ZBTB49: variants seen among roughly 807,000 people sequenced by gnomAD.
ZBTB49 encodes the protein zinc finger and BTB domain containing 49.
In ZBTB49, 43 loss-of-function variants were observed where a neutral mutation model predicts 57.5. The ratio of observed to expected loss-of-function variants is 0.75; its 90% CI spans 0.59 to 0.97. The LOEUF (loss-of-function observed/expected upper bound fraction) is 0.97, where lower values mean the gene tolerates loss of function less well. Among genes scored for constraint, ZBTB49 ranks in the 50% least tolerant of loss-of-function variants. ZBTB49 has a pLI of 0.00. For missense variants in ZBTB49, 938 were observed against 947.7 expected (o/e 0.99, Z 0.13); for synonymous variants, 369 against 362.1 (o/e 1.02, Z -0.22).
Position 4,302,027 on chromosome 4 carries a change from T to A in ZBTB49, c.191T>A (p.Val64Asp). The A allele has an allele frequency of 6.3e-7, 1 of 1,586,602 alleles. No individual in the cohort carries two copies. Among genetic ancestry groups the A allele is most frequent in the Non-Finnish European group, 8.6e-7 (1 of 1,164,084 alleles). The change falls in exon 3 of 8, where the codon GTT becomes GAT. Residue 64 changes from valine to aspartate, a missense_variant. Physicochemically the swap from Val to Asp is radical, Grantham distance 152. This residue lies in a region of ZBTB49 where 100 missense variants were observed against 112.5 expected (regional missense o/e 0.89). Coordinates refer to ENST00000337872, the MANE Select transcript of ZBTB49 (RefSeq NM_145291.4). ...FQNSSSQKND[V>D]FHLDVKNVSG... ...AATTCTTCAAGCCAGAAGAATGATG[T>A]TTTTCACTTGGATGTTAAAAATGTC...
intron 7 of ZBTB49, among the ~76,000 whole-genome samples, chr4:4,320,246 T>G (rs1223029290): frequency 6.6e-6 from 1 of 152,168 alleles, no homozygotes; most frequent in Admixed American, 6.5e-5. Flanking sequence ...GGACTGACAC[T>G]GAGATACTCA....
intron 4 of ZBTB49, 146 bp downstream of exon 4, chr4:4,306,330 C>A: frequency 1.4e-6 from 1 of 695,338 alleles, no homozygotes; most frequent in Admixed American, 3.1e-5. Context: ...TAGGATAAAT[C>A]GTTTTCAAGA....
intron 4 of ZBTB49, among the ~76,000 whole-genome samples, chr4:4,307,663 G>A (rs549479918): frequency 2.0e-4 from 30 of 152,168 alleles, no homozygotes; most frequent in Admixed American, 1.8e-3. Flanking sequence ...CCCAGATGCC[G>A]GTCTTTCTGA....
rs1720608674 is a variant in ZBTB49 at position 4,303,735 on chromosome 4, T to TCA, written c.1255+645_1255+646insAC. Among the ~76,000 whole-genome samples, 3 of 45,790 alleles carry TCA rather than the reference T, an allele frequency of 6.6e-5. No individual in the cohort carries two copies. In the Admixed American group the frequency reaches 7.5e-4, roughly 11 times the overall value. The allele number at this position is 45,790 out of a possible 152,430, so 30.0% of individuals were successfully genotyped here. On this transcript the variant is annotated intron_variant, in intron 3 of 7. Transcript: ENST00000337872. The stretch of plus-strand genomic sequence containing the variant: ...AGATTTTTTTAAGGTATTCTCTCTC[T>TCA]CTCTCTCTCTCTCTCTCTCTCTCTC...
chr4:4,318,445 G>A (rs977586744), intron 7 of ZBTB49, among the ~76,000 whole-genome samples: 7 of 152,020 alleles, frequency 4.6e-5, no homozygotes, highest in South Asian at 2.1e-4. Context: ...GCGAAACCCC[G>A]TCTCTACTAA....
chr4:4,307,948 A>G (rs1237584630), intron 4 of ZBTB49, among the ~76,000 whole-genome samples: 1 of 152,116 alleles, frequency 6.6e-6, no homozygotes, highest in Non-Finnish European at 1.5e-5. Flanking sequence ...CTGACCATAT[A>G]AGTTAAAACC....
At chr4:4,304,239 T>G (rs990351180) in intron 3 of ZBTB49, among the ~76,000 whole-genome samples, 12 of 151,958 alleles carry the variant, frequency 7.9e-5, no homozygotes, top group African/African-American at 2.9e-4. Context: ...TTTTTTTTTT[T>G]TTTTGAGACA....
chr4:4,294,871 T>TCG (rs1255519997), intron 1 of ZBTB49, among the ~76,000 whole-genome samples: 1 of 83,884 alleles, frequency 1.2e-5, no homozygotes. Flanking sequence ...GAGGAGGGTT[T>TCG]CGTGTGTGTG....
intron 1 of ZBTB49, among the ~76,000 whole-genome samples, chr4:4,294,079 T>C (rs1340635494): frequency 6.6e-6 from 1 of 152,232 alleles, no homozygotes. Context: ...TTAATAAGTG[T>C]AAAGGGCTTA....
intron 4 of ZBTB49, among the ~76,000 whole-genome samples, chr4:4,308,777 G>A (rs1345537309): frequency 6.6e-6 from 1 of 152,174 alleles, no homozygotes; most frequent in African/African-American, 2.4e-5. Context: ...AAATGATCGA[G>A]TACAGTGAAA....
At position 4,315,855 on chromosome 4, in the gene ZBTB49, G is replaced by T. The variant is rs768661503; in HGVS notation, c.1506G>T (p.Thr502=). The change falls in exon 7 of 8, where the codon ACG becomes ACT. Residue 502 remains threonine (T), a synonymous_variant. Transcript: ENST00000337872. ...SNLKEHKKTH[T]ADKVFTCDEC... ...TGAAGGAGCACAAAAAGACACACAC[G>T]GCTGATAAAGTCTTCACCTGTGATG... 2 of 1,614,204 alleles carry T rather than the reference G, an allele frequency of 1.2e-6. No homozygotes were observed. The highest frequency in any genetic ancestry group is 3.3e-5 in the Admixed American group (2 of 60,024).
intron 4 of ZBTB49, among the ~76,000 whole-genome samples, chr4:4,310,696 T>G (rs567740159): frequency 1.3e-5 from 2 of 151,000 alleles, no homozygotes; most frequent in African/African-American, 4.9e-5. Flanking sequence ...TTTTTTTGTA[T>G]TTTTAGTAGA....
intron 4 of ZBTB49, among the ~76,000 whole-genome samples, chr4:4,311,503 A>G (rs1720978803): frequency 6.6e-6 from 1 of 152,230 alleles, no homozygotes; most frequent in African/African-American, 2.4e-5. Context: ...ATTCATAGAA[A>G]CTTGTGTTTC....
intron 7 of ZBTB49, among the ~76,000 whole-genome samples, chr4:4,318,890 T>A (rs1201981249): frequency 2.2e-5 from 3 of 135,810 alleles, no homozygotes; most frequent in Admixed American, 1.6e-4. Context: ...TTGTTTTTTT[T>A]AATCTTTTTT....
intron 1 of ZBTB49, among the ~76,000 whole-genome samples, chr4:4,292,352 A>G (rs1015814318): frequency 1.3e-5 from 2 of 152,196 alleles, no homozygotes; most frequent in African/African-American, 4.8e-5. Context: ...ATGCTTCATG[A>G]AGACATGGAT....
chr4:4,292,975 G>A (rs1297180218), intron 1 of ZBTB49, among the ~76,000 whole-genome samples: 2 of 151,690 alleles, frequency 1.3e-5, no homozygotes, highest in South Asian at 2.1e-4. Context: ...ATTTTTTGAC[G>A]CCATTCATAC....
chr4:4,302,653 C>T lies in ZBTB49; in HGVS notation c.817C>T (p.Pro273Ser). The change falls in exon 3 of 8, where the codon CCT (proline) becomes TCT (serine). Residue 273 changes from proline (P) to serine (S), a missense_variant. Physicochemically the swap from Pro to Ser is moderately conservative, Grantham distance 74. This residue lies in a region of ZBTB49 where 835 missense variants were observed against 819.1 expected (regional missense o/e 1.02). Coordinates refer to ENST00000337872, the MANE Select transcript of ZBTB49 (RefSeq NM_145291.4). Reference sequence around the variant, plus strand: ...CATCCTGGAGTCTCCCGAGCACTTACCTTCCAACTTCCTGGCCCAGCCTGT... The same window carrying T: ...CATCCTGGAGTCTCCCGAGCACTTATCTTCCAACTTCCTGGCCCAGCCTGT... ...ECILESPEHL[P>S]SNFLAQPVND... 6.2e-7 allele frequency: 1 copy of T among 1,610,646 alleles called. No homozygotes were observed. The highest frequency in any genetic ancestry group is 8.5e-7 in the Non-Finnish European group (1 of 1,178,084).
In ZBTB49 at chr4:4,321,533, G is replaced by A. The variant is rs1048221245; in HGVS notation, c.*217G>A. On this transcript the variant is annotated 3_prime_UTR_variant, in exon 8 of 8. Transcript: ENST00000337872. ...CCGTGAGGCAGCCGCGGGAGGGAGC[G>A]CTGACGTCACAGAAGCGAAGGCTTG... 16 of 585,270 alleles carry A rather than the reference G, an allele frequency of 2.7e-5. No individual in the cohort carries two copies. The highest frequency in any genetic ancestry group is 4.5e-5 in the Non-Finnish European group (15 of 336,034). 36.3% of individuals were successfully genotyped at this position (585,270 alleles called of 1,614,324 possible). A position where few individuals can be genotyped will look rare whatever the true frequency, so the allele number is the denominator to read the frequency against.
At chr4:4,313,852 G>T (rs1206385577) in intron 5 of ZBTB49, among the ~76,000 whole-genome samples, 3 of 152,166 alleles carry the variant, frequency 2.0e-5, no homozygotes, top group African/African-American at 7.2e-5. Context: ...ACGCACCTTG[G>T]TTACGTAGCT....
Sources: allele counts gnomAD v4.1 joint callset (sites outside exome capture counted in the v4.1 genomes callset), GRCh38; gene constraint gnomAD v4.1.1; regional missense constraint gnomAD v4.1.1; transcripts MANE v1.5; gene names NCBI Gene and HGNC (gene_info 2026-07-23, HGNC 2026-07-21).